Variants in SLC24A4 observed in about 807,000 individuals in gnomAD.
SLC24A4 encodes the protein solute carrier family 24 member 4, also known as sodium/potassium/calcium exchanger 4.
SLC24A4 carries 53 observed loss-of-function variants against 79.0 expected under a neutral mutation model. The observed-to-expected ratio is 0.67, with a 90% confidence interval of 0.54 to 0.84. The LOEUF (loss-of-function observed/expected upper bound fraction) is 0.84. Ranked by LOEUF, SLC24A4 falls within the 40% of genes least tolerant of loss-of-function variation. The probability of loss-of-function intolerance (pLI) is 0.00; values close to 1 mark genes in which losing one functional copy is unlikely to be tolerated. For missense variants in SLC24A4, 731 were observed against 822.0 expected (o/e 0.89, Z 1.35); for synonymous variants, 323 against 323.8 (o/e 1.00, Z 0.03).
At chr14:92,351,236 G>GCGCGCACACACACACACACACACACACA (rs112120101) in intron 2 of SLC24A4, among the ~76,000 whole-genome samples, 62 of 147,064 alleles carry the variant, frequency 4.2e-4, no homozygotes, top group Admixed American at 8.2e-4. Context: ...ACACATACAC[G>GCGCGCACACACACACACACACACACACA]CACACACACA....
intron 2 of SLC24A4, among the ~76,000 whole-genome samples, chr14:92,419,421 T>C (rs1020844068): frequency 1.3e-5 from 2 of 152,192 alleles, no homozygotes; most frequent in Non-Finnish European, 1.5e-5. Flanking sequence ...CCGCAGATGT[T>C]CTCTCATTGA....
At chr14:92,385,293 C>T (rs1398708855) in intron 2 of SLC24A4, among the ~76,000 whole-genome samples, 1 of 151,992 alleles carries the variant, frequency 6.6e-6, no homozygotes, top group African/African-American at 2.4e-5. Flanking sequence ...GATCACGAGG[C>T]CAGGAGATCG....
intron 14 of SLC24A4, among the ~76,000 whole-genome samples, chr14:92,488,270 C>T (rs1419658466): frequency 6.6e-6 from 1 of 152,032 alleles, no homozygotes; most frequent in Non-Finnish European, 1.5e-5. Context: ...CAAGGTTTCA[C>T]CATGTTGGCC....
intron 2 of SLC24A4, among the ~76,000 whole-genome samples, chr14:92,404,230 T>C (rs941050456): frequency 6.6e-6 from 1 of 152,212 alleles, no homozygotes; most frequent in Non-Finnish European, 1.5e-5. Context: ...GACTATTGCA[T>C]AGCCCAGCTG....
At chr14:92,356,222 A>G (rs971150586) in intron 2 of SLC24A4, among the ~76,000 whole-genome samples, 4 of 152,142 alleles carry the variant, frequency 2.6e-5, no homozygotes, top group African/African-American at 9.7e-5. Flanking sequence ...GATTGGGTAG[A>G]TTCAATGCAT....
intron 2 of SLC24A4, among the ~76,000 whole-genome samples, chr14:92,382,945 C>T (rs1023311392): frequency 5.3e-5 from 8 of 152,164 alleles, no homozygotes; most frequent in African/African-American, 9.7e-5. Flanking sequence ...ACCTGCACCA[C>T]GGGACCTGCC....
intron 12 of SLC24A4, among the ~76,000 whole-genome samples, chr14:92,467,826 G>A (rs946203211): frequency 1.3e-5 from 2 of 152,172 alleles, no homozygotes; most frequent in South Asian, 2.1e-4. Context: ...CTACAAGGGG[G>A]GCTTTTAAGA....
chr14:92,426,187 G>A (rs1436648060), intron 2 of SLC24A4, among the ~76,000 whole-genome samples: 2 of 152,026 alleles, frequency 1.3e-5, no homozygotes, highest in African/African-American at 2.4e-5. Context: ...CCTGAGGCTG[G>A]GTAATAAATA....
At chr14:92,364,825 G>A (rs895866115) in intron 2 of SLC24A4, among the ~76,000 whole-genome samples, 3 of 152,166 alleles carry the variant, frequency 2.0e-5, no homozygotes, top group African/African-American at 7.2e-5. Flanking sequence ...CATAGCCAAC[G>A]GAATCTCAAG....
At chr14:92,369,809 C>T (rs1161915456) in intron 2 of SLC24A4, among the ~76,000 whole-genome samples, 3 of 152,146 alleles carry the variant, frequency 2.0e-5, no homozygotes, top group Admixed American at 6.5e-5. Context: ...CCACTCACCC[C>T]GAAGTCTCGA....
At chr14:92,386,319 G>T (rs1027604855) in intron 2 of SLC24A4, among the ~76,000 whole-genome samples, 1 of 152,200 alleles carries the variant, frequency 6.6e-6, no homozygotes, top group East Asian at 1.9e-4. Context: ...CACATTCTCT[G>T]TGCCTCAGTT....
At chr14:92,359,896 T>G (rs1390131106) in intron 2 of SLC24A4, among the ~76,000 whole-genome samples, 1 of 152,240 alleles carries the variant, frequency 6.6e-6, no homozygotes, top group Non-Finnish European at 1.5e-5. Flanking sequence ...GGAGTTATAG[T>G]AACACACACA....
At chr14:92,476,981 T>G (rs542138641) in intron 12 of SLC24A4, among the ~76,000 whole-genome samples, 1 of 152,346 alleles carries the variant, frequency 6.6e-6, no homozygotes, top group South Asian at 2.1e-4. Context: ...GTTTTCATTT[T>G]TTGCTATTAT....
intron 2 of SLC24A4, among the ~76,000 whole-genome samples, chr14:92,423,407 A>C (rs544068010): frequency 6.6e-6 from 1 of 152,220 alleles, no homozygotes; most frequent in Non-Finnish European, 1.5e-5. Flanking sequence ...GGCCTTTCAA[A>C]GTGCGGCCTC....
chr14:92,423,914 C>A (rs1891427740), intron 2 of SLC24A4, among the ~76,000 whole-genome samples: 2 of 152,224 alleles, frequency 1.3e-5, no homozygotes, highest in Non-Finnish European at 2.9e-5. Context: ...GAAATTTATT[C>A]TCCCACAGTT....
At chr14:92,480,286 CTTT>C (rs66533065) in intron 12 of SLC24A4, among the ~76,000 whole-genome samples, 1 of 63,090 alleles carries the variant, frequency 1.6e-5, no homozygotes, top group Non-Finnish European at 2.9e-5. Flanking sequence ...AGATCTTTCC[CTTT>C]TTTTTTTTTT....
At chr14:92,484,713 G>A (rs1181473043) in intron 13 of SLC24A4, 16 of 985,260 alleles carry the variant, frequency 1.6e-5, no homozygotes, top group Non-Finnish European at 1.9e-5. Flanking sequence ...AAGTCCCCCA[G>A]AACCTCATTC....
chr14:92,344,594 A>G lies in SLC24A4; in HGVS notation c.241+18616A>G, dbSNP rs1886417076. ...CTGAGGAGTGTGCTTTGGGAATATG[A>G]CTCCAATCTTAGGACCGAGAATGGA... On this transcript the variant is annotated intron_variant, in intron 2 of 16. Coordinates refer to ENST00000532405, the MANE Select transcript of SLC24A4 (RefSeq NM_153646.4). 2.0e-5 allele frequency among the ~76,000 whole-genome samples: 3 copies of G among 151,942 alleles called. No homozygotes were observed. The South Asian group carries it at 6.2e-4, about 32-fold the overall frequency.
chr14:92,383,996 A>G (rs1331827062), intron 2 of SLC24A4, among the ~76,000 whole-genome samples: 1 of 152,214 alleles, frequency 6.6e-6, no homozygotes, highest in African/African-American at 2.4e-5. Context: ...GTCTGGAGCA[A>G]ACCACTTAAT....
Sources: allele counts gnomAD v4.1 joint callset (sites outside exome capture counted in the v4.1 genomes callset), GRCh38; gene constraint gnomAD v4.1.1; transcripts MANE v1.5; gene names NCBI Gene and HGNC (gene_info 2026-07-23, HGNC 2026-07-21).